RUNDC3B: variants seen among roughly 807,000 people sequenced by gnomAD.
RUNDC3B encodes the protein RUN domain containing 3B.
Under a neutral mutation model 58.4 loss-of-function variants are expected in RUNDC3B, and 33 were observed. The ratio of observed to expected loss-of-function variants is 0.56; its 90% CI spans 0.43 to 0.75. RUNDC3B has a LOEUF of 0.75. Ranked by LOEUF, RUNDC3B falls within the 30% of genes least tolerant of loss-of-function variation. The pLI, the probability that RUNDC3B is intolerant of heterozygous loss-of-function variation, is 0.00. For missense variants in RUNDC3B, 501 were observed against 535.7 expected (o/e 0.94, Z 0.64); for synonymous variants, 193 against 195.2 (o/e 0.99, Z 0.10).
At chr7:87,657,062 C>G (rs28483333) in intron 2 of RUNDC3B, among the ~76,000 whole-genome samples, 1 of 151,946 alleles carries the variant, frequency 6.6e-6, no homozygotes, top group Non-Finnish European at 1.5e-5. Context: ...CATACTTTCC[C>G]CTATTTCTCT....
chr7:87,636,419 C>A (rs1821780865), intron 1 of RUNDC3B, among the ~76,000 whole-genome samples: 1 of 152,102 alleles, frequency 6.6e-6, no homozygotes, highest in Non-Finnish European at 1.5e-5. Flanking sequence ...GGAATCTCTG[C>A]TTTTTGTTTA....
chr7:87,779,101 A>C (rs965048710), intron 8 of RUNDC3B, among the ~76,000 whole-genome samples: 6 of 152,126 alleles, frequency 3.9e-5, no homozygotes, highest in Admixed American at 1.3e-4. Flanking sequence ...TGTCATTCTT[A>C]AGAACTAAAA....
Sources: allele counts gnomAD v4.1 joint callset (sites outside exome capture counted in the v4.1 genomes callset), GRCh38; gene constraint gnomAD v4.1.1; transcripts MANE v1.5; gene names NCBI Gene and HGNC (gene_info 2026-07-23, HGNC 2026-07-21).